ASB2: variants seen among roughly 807,000 people sequenced by gnomAD.
ASB2 encodes ankyrin repeat and SOCS box containing 2.
Under a neutral mutation model 62.4 loss-of-function variants are expected in ASB2, and 58 were observed. That is an observed-to-expected ratio of 0.93 (90% CI 0.75 to 1.16). The LOEUF (loss-of-function observed/expected upper bound fraction) is 1.16, where lower values mean the gene tolerates loss of function less well. Among genes scored for constraint, ASB2 ranks in the 50% most tolerant of loss-of-function variants. ASB2 has a pLI of 0.00. For synonymous variants in ASB2, 386 were observed against 385.3 expected, an observed-to-expected ratio of 1.00 and a Z score of -0.02; for missense variants, 928 against 887.9, an observed-to-expected ratio of 1.05 and a Z score of -0.57.
chr14:93,939,471 C>T lies in ASB2; in HGVS notation c.1254G>A (p.Ala418=). ...EDRRSSALYF[A]VVNNNVYATE... ...TGGCGTACACGTTGTTGTTGACCAC[C>T]GCGAAGTACAGCGCGGAGCTGCGCC... The change falls in exon 8 of 10, where the codon GCG becomes GCA. Residue 418 remains alanine, a synonymous_variant. Coordinates refer to ENST00000555019, the MANE Select transcript of ASB2 (RefSeq NM_001202429.2). The T allele has an allele frequency of 6.2e-7, 1 of 1,612,370 alleles. No individual in the cohort carries two copies. Among genetic ancestry groups the T allele is most frequent in the Non-Finnish European group, 8.5e-7 (1 of 1,179,712 alleles).
Position 93,939,231 on chromosome 14 carries a change from C to T in ASB2, c.1494G>A (p.Leu498=). 1 of 1,609,774 alleles carries T rather than the reference C, an allele frequency of 6.2e-7. No individual in the cohort carries two copies. Among genetic ancestry groups the T allele is most frequent in the Non-Finnish European group, 8.5e-7 (1 of 1,177,226 alleles). The change falls in exon 8 of 10, where the codon CTG becomes CTA. Residue 498 remains leucine (L), a synonymous_variant. Coordinates refer to ENST00000555019, the MANE Select transcript of ASB2 (RefSeq NM_001202429.2). ...CLSLLKFLMD[L]GCDGEPCFSC... is the part of the protein sequence containing the mutation. ...AGAAGCAGGGCTCGCCGTCGCAGCC[C>T]AGGTCCATGAGGAACTTGAGCAGCG...
At chr14:93,974,761 C>T (rs1043631415) in intron 1 of ASB2, among the ~76,000 whole-genome samples, 1 of 152,202 alleles carries the variant, frequency 6.6e-6, no homozygotes, top group African/African-American at 2.4e-5. Flanking sequence ...ATGGGAGTAA[C>T]GATCACCTGT....
intron 8 of ASB2, among the ~76,000 whole-genome samples, chr14:93,938,580 C>G (rs950587370): frequency 3.3e-5 from 5 of 152,186 alleles, no homozygotes; most frequent in African/African-American, 1.2e-4. Context: ...CGTGTCCTGC[C>G]TCTGGGTCGC....
chr14:93,971,304 C>G (rs1889750495), intron 1 of ASB2, among the ~76,000 whole-genome samples: 1 of 151,156 alleles, frequency 6.6e-6, no homozygotes, highest in Non-Finnish European at 1.5e-5. Flanking sequence ...TCCCCCGAAG[C>G]CAGCTTGGGT....
intron 2 of ASB2, among the ~76,000 whole-genome samples, chr14:93,959,942 G>T (rs1889351296): frequency 6.6e-6 from 1 of 150,806 alleles, no homozygotes; most frequent in Admixed American, 6.6e-5. Flanking sequence ...CCGCCAACAT[G>T]TCACCAGTCC....
chr14:93,937,929 G>A (rs1888334946), intron 8 of ASB2, 78 bp from the exon 9 acceptor site: 1 of 1,437,544 alleles, frequency 7.0e-7, no homozygotes, highest in Admixed American at 2.0e-5. Context: ...GGCAGCGGAT[G>A]TGTCCAAGCA....
chr14:93,962,589 C>A (rs1202967270), intron 2 of ASB2, among the ~76,000 whole-genome samples: 1 of 152,198 alleles, frequency 6.6e-6, no homozygotes, highest in East Asian at 1.9e-4. Context: ...CCGCAGGAAG[C>A]TGAATAAATG....
At chr14:93,940,886 A>G (rs1888492253) in intron 7 of ASB2, among the ~76,000 whole-genome samples, 1 of 152,210 alleles carries the variant, frequency 6.6e-6, no homozygotes, top group East Asian at 1.9e-4. Context: ...ACAGCCAGTA[A>G]GTGATGGAGC....
At chr14:93,952,560 A>G (rs887378273) in intron 5 of ASB2, among the ~76,000 whole-genome samples, 4 of 152,238 alleles carry the variant, frequency 2.6e-5, no homozygotes, top group Non-Finnish European at 5.9e-5. Context: ...GCATGTAGGC[A>G]TGGACAGGAT....
intron 1 of ASB2, among the ~76,000 whole-genome samples, chr14:93,972,645 C>T (rs1016660767): frequency 2.0e-5 from 3 of 152,208 alleles, no homozygotes; most frequent in Non-Finnish European, 4.4e-5. Flanking sequence ...GTCAGTTGCT[C>T]CGTGACCCTA....
rs1346052567 is a variant in ASB2, at chr14:93,934,225, C to T, written c.*431G>A. 1.3e-5 allele frequency: 6 copies of T among 456,892 alleles called. No individual in the cohort carries two copies. The highest frequency in any genetic ancestry group is 2.6e-5 in the Non-Finnish European group (6 of 227,656). The allele number at this position is 456,892 out of a possible 1,614,324, so 28.3% of individuals were successfully genotyped here. ...CAAAGCCCTCCAAGACCCAGGCTCC[C>T]CCTACCCCCTACCTTGGGCCACGTC... On this transcript the variant is annotated 3_prime_UTR_variant, in exon 10 of 10. Coordinates refer to ENST00000555019, the MANE Select transcript of ASB2 (RefSeq NM_001202429.2).
intron 7 of ASB2, chr14:93,941,725 A>G (rs1251057739): frequency 6.6e-6 from 3 of 455,942 alleles, no homozygotes; most frequent in Non-Finnish European, 1.3e-5. Flanking sequence ...CGCTGGACAG[A>G]TGGGGCTGGT....
At position 93,959,275 on chromosome 14, in the gene ASB2, C is replaced by T. The variant is rs577484647; in HGVS notation, c.207-2405G>A. Among the ~76,000 whole-genome samples the T allele has an allele frequency of 3.5e-4, 53 of 152,294 alleles. 1 individual carries two copies. The South Asian group carries it at 9.9e-3, about 29-fold the overall frequency. On this transcript the variant is annotated intron_variant, in intron 2 of 9. Coordinates refer to ENST00000555019, the MANE Select transcript of ASB2 (RefSeq NM_001202429.2). ...ATTTGGAAGTCAGCAGAGAGGGAGA[C>T]AAGGCCACACACAGCCACAGAGTCA...
At chr14:93,959,547 G>A (rs1028859441) in intron 2 of ASB2, among the ~76,000 whole-genome samples, 9 of 152,198 alleles carry the variant, frequency 5.9e-5, no homozygotes, top group African/African-American at 1.9e-4. Context: ...AAACCTCCTG[G>A]GCTGAGTCAT....
chr14:93,957,202 A>G, intron 2 of ASB2: 2 of 1,302,836 alleles, frequency 1.5e-6, no homozygotes, highest in East Asian at 3.4e-5. Context: ...TTCTTCACCC[A>G]GGAGGATGTG....
At chr14:93,966,793 T>G (rs890841583) in intron 1 of ASB2, among the ~76,000 whole-genome samples, 1 of 152,142 alleles carries the variant, frequency 6.6e-6, no homozygotes, top group Non-Finnish European at 1.5e-5. Context: ...CCTGAATCAA[T>G]GAACTCAAAG....
intron 5 of ASB2, among the ~76,000 whole-genome samples, chr14:93,952,358 C>T (rs3790052): frequency 3.6e-4 from 55 of 152,336 alleles, no homozygotes; most frequent in East Asian, 2.7e-3. Context: ...ATAGCCATGG[C>T]GCCCTGGCAG....
At chr14:93,956,196 G>A (rs548479524) in intron 3 of ASB2, among the ~76,000 whole-genome samples, 19 of 152,312 alleles carry the variant, frequency 1.2e-4, no homozygotes, top group South Asian at 4.2e-4. Context: ...GAGCGCATTA[G>A]CCCTGCCCCC....
Position 93,934,215 on chromosome 14 carries a change from C to T in ASB2, c.*441G>A, listed in dbSNP as rs568690618. 1.5e-5 allele frequency: 7 copies of T among 456,608 alleles called. No homozygotes were observed. Among genetic ancestry groups the T allele is most frequent in the Non-Finnish European group, 3.1e-5 (7 of 227,396 alleles). The allele number at this position is 456,608 out of a possible 1,614,324, so 28.3% of individuals were successfully genotyped here. On this transcript the variant is annotated 3_prime_UTR_variant, in exon 10 of 10. Transcript: ENST00000555019. ...TAATACTTAACAAAGCCCTCCAAGACCCAGGCTCCCCCTACCCCCTACCTT... is the reference window on the plus strand; with the variant it reads ...TAATACTTAACAAAGCCCTCCAAGATCCAGGCTCCCCCTACCCCCTACCTT...
Sources: allele counts gnomAD v4.1 joint callset (sites outside exome capture counted in the v4.1 genomes callset), GRCh38; gene constraint gnomAD v4.1.1; transcripts MANE v1.5; gene names NCBI Gene and HGNC (gene_info 2026-07-23, HGNC 2026-07-21).